The following MYOM1 variants were observed in gnomAD, a reference collection of about 807,000 sequenced individuals.
The protein encoded by MYOM1 is myomesin 1.
In MYOM1, 164 loss-of-function variants were observed where a neutral mutation model predicts 205.3. The observed-to-expected ratio is 0.80, with a 90% confidence interval of 0.70 to 0.91. The LOEUF (loss-of-function observed/expected upper bound fraction) is 0.91. Among genes scored for constraint, MYOM1 ranks in the 40% least tolerant of loss-of-function variants. The probability of loss-of-function intolerance (pLI) is 0.00; values close to 1 mark genes in which losing one functional copy is unlikely to be tolerated. For synonymous variants in MYOM1, 772 were observed against 789.4 expected (o/e 0.98, Z 0.37); for missense variants, 2,011 against 2,127.3 (o/e 0.95, Z 1.08).
chr18:3,187,987 C>A (rs2080845565), intron 4 of MYOM1, among the ~76,000 whole-genome samples: 1 of 151,012 alleles, frequency 6.6e-6, no homozygotes, highest in African/African-American at 2.4e-5. Flanking sequence ...TACAGGCATG[C>A]ACCACCATGC....
At chr18:3,080,605 C>T (rs537623770) in intron 33 of MYOM1, among the ~76,000 whole-genome samples, 5 of 150,550 alleles carry the variant, frequency 3.3e-5, no homozygotes, top group African/African-American at 7.3e-5. Flanking sequence ...ACCCGGGAGG[C>T]GGAGGTTGCA....
chr18:3,209,120 C>T lies in MYOM1; in HGVS notation c.290+5814G>A, dbSNP rs192890112. ...AAAAGAATAAGGCATTTCTTTGACA[C>T]GATGTAGAGGGAATCTGGGAAAATG... On this transcript the variant is annotated intron_variant, in intron 2 of 37. Transcript: ENST00000356443. The surrounding 1 kb of genome is among the most constrained non-coding windows in gnomAD (Gnocchi z 4.0). 7.4e-4 allele frequency among the ~76,000 whole-genome samples: 113 copies of T among 152,266 alleles called. No individual in the cohort carries two copies. The Middle Eastern group carries it at 0.014, about 18-fold the overall frequency.
At position 3,203,923 on chromosome 18, in the gene MYOM1, A is replaced by T. The variant is rs78535159; in HGVS notation, c.291-9965T>A. The stretch of plus-strand genomic sequence containing the variant: ...CAGCAACATATAAAACCAAGTGAAG[A>T]TTACCCCAGAAATGCAAGGTTGATT... On this transcript the variant is annotated intron_variant, in intron 2 of 37. Coordinates refer to ENST00000356443, the MANE Select transcript of MYOM1 (RefSeq NM_003803.4). Among the ~76,000 whole-genome samples the T allele has an allele frequency of 2.8e-3, 429 of 152,098 alleles. 3 individuals are homozygous for T. Among genetic ancestry groups the T allele is most frequent in the African/African-American group, 0.01 (417 of 41,566 alleles).
intron 31 of MYOM1, 27 bp downstream of exon 31, chr18:3,085,018 A>G: frequency 6.5e-7 from 1 of 1,547,470 alleles, no homozygotes; most frequent in South Asian, 1.2e-5. Flanking sequence ...AACACACAAG[A>G]CAGACCCCAG....
intron 2 of MYOM1, among the ~76,000 whole-genome samples, chr18:3,200,602 T>G (rs1429183200): frequency 6.6e-6 from 1 of 152,050 alleles, no homozygotes; most frequent in African/African-American, 2.4e-5. Flanking sequence ...AAATGAAAAT[T>G]TCTTAGAGGG....
At chr18:3,104,753 T>TTC (rs1319146083) in intron 22 of MYOM1, among the ~76,000 whole-genome samples, 1 of 137,946 alleles carries the variant, frequency 7.2e-6, no homozygotes, top group East Asian at 2.1e-4. Context: ...ATCTTTTTTT[T>TTC]TTTTTTTTTT....
intron 21 of MYOM1, among the ~76,000 whole-genome samples, chr18:3,114,988 T>C (rs1157866098): frequency 1.3e-5 from 2 of 152,082 alleles, no homozygotes; most frequent in East Asian, 1.9e-4. Context: ...TTCACCTTTG[T>C]TTCGCTTCAC....
At chr18:3,079,056 T>C in intron 34 of MYOM1, 123 bp downstream of exon 34, 1 of 832,330 alleles carries the variant, frequency 1.2e-6, no homozygotes. Context: ...CAAGTCATCC[T>C]CCTGCCTTGG....
chr18:3,123,101 C>T (rs908131947), intron 19 of MYOM1, among the ~76,000 whole-genome samples: 1 of 152,174 alleles, frequency 6.6e-6, no homozygotes, highest in Non-Finnish European at 1.5e-5. Context: ...GCTGGGATTA[C>T]AGGTGTGAGC....
intron 34 of MYOM1, among the ~76,000 whole-genome samples, chr18:3,077,983 C>G (rs890652870): frequency 1.3e-5 from 2 of 152,014 alleles, no homozygotes; most frequent in Admixed American, 6.6e-5. Context: ...GGGCGACGCT[C>G]TAAGTGATGA....
rs568176801 is a variant in MYOM1 at position 3,080,630 on chromosome 18, C to T, written c.4485-1288G>A. On this transcript the variant is annotated intron_variant, in intron 33 of 37. Transcript: ENST00000356443. ...CGGAGGTTGCAATGAACCGAGATCA[C>T]GCCATTGCACTCCAGCCTGGGTGAC... is the stretch of plus-strand genomic sequence containing the variant. 4.9e-4 allele frequency among the ~76,000 whole-genome samples: 74 copies of T among 151,368 alleles called. 1 individual carries two copies. The Middle Eastern group carries it at 0.021, about 42-fold the overall frequency.
intron 20 of MYOM1, 73 bp from the exon 21 acceptor site, chr18:3,116,588 G>T: frequency 1.5e-6 from 2 of 1,348,254 alleles, no homozygotes; most frequent in Non-Finnish European, 1.0e-6. Context: ...AGAACCACTT[G>T]TAAGTCTTCA....
chr18:3,112,233 G>C lies in MYOM1; in HGVS notation c.3418+65C>G, dbSNP rs8096379. Reference sequence around the variant, plus strand: ...TGAAAATTAGAGGAAAGCACAGAAAGGCCGAACCTTAGTTCAGTATCTTAC... The same window carrying C: ...TGAAAATTAGAGGAAAGCACAGAAACGCCGAACCTTAGTTCAGTATCTTAC... On this transcript the variant is annotated intron_variant, in intron 22 of 37. Transcript: ENST00000356443. 0.59 allele frequency: 787,253 copies of C among 1,341,020 alleles called. 234,078 individuals are homozygous for C. The highest frequency in any genetic ancestry group is 0.77 in the East Asian group (32,232 of 42,092). 83.1% of individuals were successfully genotyped at this position (1,341,020 alleles called of 1,614,324 possible).
At chr18:3,175,643 G>A (rs1014646445) in intron 6 of MYOM1, among the ~76,000 whole-genome samples, 11 of 152,118 alleles carry the variant, frequency 7.2e-5, no homozygotes, top group African/African-American at 2.7e-4. Flanking sequence ...ATGGCCTTTA[G>A]TTATTAAAAA....
intron 22 of MYOM1, among the ~76,000 whole-genome samples, chr18:3,108,834 C>T (rs982912456): frequency 1.3e-4 from 20 of 151,088 alleles, no homozygotes; most frequent in Admixed American, 1.1e-3. Context: ...GCACCGTGTC[C>T]GGCCAATGAC....
At chr18:3,245,101 T>C in the MYOM1 span, among the ~76,000 whole-genome samples, 1 of 152,180 alleles carries the variant, frequency 6.6e-6, no homozygotes, top group Non-Finnish European at 1.5e-5. Flanking sequence ...CCTCCAGAAG[T>C]ATAAGAAATA....
At chr18:3,068,397 C>T (rs1056813759) in intron 37 of MYOM1, among the ~76,000 whole-genome samples, 1 of 151,702 alleles carries the variant, frequency 6.6e-6, no homozygotes, top group African/African-American at 2.4e-5. Context: ...TGCAATCCAC[C>T]GACCTTATTT....
At chr18:3,145,302 T>C (rs200832999) in intron 13 of MYOM1, among the ~76,000 whole-genome samples, 1 of 140,884 alleles carries the variant, frequency 7.1e-6, no homozygotes, top group East Asian at 2.0e-4. Context: ...AGAGTGAGAC[T>C]CCATCTCAAA....
At chr18:3,199,082 G>A (rs2081031637) in intron 2 of MYOM1, among the ~76,000 whole-genome samples, 1 of 152,184 alleles carries the variant, frequency 6.6e-6, no homozygotes, top group African/African-American at 2.4e-5. Flanking sequence ...TCACGTATGA[G>A]CAGGGTGTCA....
Sources: gnomAD v4.1 joint callset for allele counts (sites outside exome capture counted in the v4.1 genomes callset) on GRCh38, gnomAD v4.1.1 for gene constraint, Gnocchi (gnomAD v3.1) non-coding constraint, MANE v1.5 for transcripts, NCBI Gene and HGNC (gene_info 2026-07-23, HGNC 2026-07-21) for gene names.